The following RASGRF2 variants were observed in gnomAD, a reference collection of about 807,000 sequenced individuals.
The protein encoded by RASGRF2 is ras-specific guanine nucleotide-releasing factor 2.
RASGRF2 carries 76 observed loss-of-function variants against 151.0 expected under a neutral mutation model. The observed-to-expected ratio is 0.50, with a 90% CI of 0.42 to 0.61. RASGRF2 has a LOEUF of 0.61. RASGRF2 is among the 20% of genes least tolerant of loss of function. The pLI is 0.00. For synonymous variants in RASGRF2, 504 were observed against 566.5 expected, an observed-to-expected ratio of 0.89 and a Z score of 1.57; for missense variants, 1,148 against 1,564.6, an observed-to-expected ratio of 0.73 and a Z score of 4.49.
intron 2 of RASGRF2, among the ~76,000 whole-genome samples, chr5:81,053,997 T>C (rs887888926): frequency 3.3e-5 from 5 of 152,218 alleles, no homozygotes; most frequent in African/African-American, 1.2e-4. Flanking sequence ...GTAAATTTGT[T>C]TGAGTTCTTT....
chr5:81,208,500 A>G (rs1755560210), intron 22 of RASGRF2, 62 bp downstream of exon 22: 3 of 1,196,936 alleles, frequency 2.5e-6, no homozygotes, highest in East Asian at 2.7e-5. Flanking sequence ...TGGGGTCTAA[A>G]GACTCCTCTA....
rs939668116 is a variant in RASGRF2, at chr5:81,123,909, C to T, written c.2596+142C>T. 9.5e-6 allele frequency: 11 copies of T among 1,152,180 alleles called. No homozygotes were observed. The East Asian group carries it at 1.3e-4, about 14-fold the overall frequency. The allele number at this position is 1,152,180 out of a possible 1,614,324, so 71.4% of individuals were successfully genotyped here. On this transcript the variant is annotated intron_variant, in intron 16 of 26. Transcript: ENST00000265080. The stretch of plus-strand genomic sequence containing the variant: ...AAAATTAATTGGAAGCAAATACAGT[C>T]GGCCCTTTGTATCTGTGGGTTCCAC...
chr5:81,178,697 G>T (rs1418241642), intron 17 of RASGRF2, among the ~76,000 whole-genome samples: 1 of 152,122 alleles, frequency 6.6e-6, no homozygotes, highest in African/African-American at 2.4e-5. Context: ...CGAGTAGGAT[G>T]TAGAGAGAAC....
chr5:81,108,831 ACTC>A (rs1561209496), intron 12 of RASGRF2, among the ~76,000 whole-genome samples, 162 bp from the exon 13 acceptor site: 1 of 101,356 alleles, frequency 9.9e-6, no homozygotes, highest in East Asian at 3.1e-4. Flanking sequence ...ATATTTACCT[ACTC>A]TGTGTGTGTG....
chr5:80,963,408 G>A (rs1249279979), intron 1 of RASGRF2, among the ~76,000 whole-genome samples: 1 of 152,256 alleles, frequency 6.6e-6, no homozygotes, highest in Non-Finnish European at 1.5e-5. Context: ...CCAAGTTTCC[G>A]TGTTATTTCT....
intron 12 of RASGRF2, among the ~76,000 whole-genome samples, chr5:81,100,068 C>T (rs1376386307): frequency 6.6e-6 from 1 of 151,974 alleles, no homozygotes; most frequent in East Asian, 1.9e-4. Context: ...CCAGCATGCC[C>T]AGCTAATTTT....
Position 81,123,915 on chromosome 5 carries a change from T to A in RASGRF2, c.2596+148T>A, listed in dbSNP as rs898191455. 7.3e-6 allele frequency: 8 copies of A among 1,095,304 alleles called. No homozygotes were observed. In the African/African-American group the frequency reaches 1.1e-4, roughly 15 times the overall value. 67.8% of individuals were successfully genotyped at this position (1,095,304 alleles called of 1,614,324 possible). On this transcript the variant is annotated intron_variant, in intron 16 of 26. Coordinates refer to ENST00000265080, the MANE Select transcript of RASGRF2 (RefSeq NM_006909.3). ...AATTGGAAGCAAATACAGTCGGCCC[T>A]TTGTATCTGTGGGTTCCACATCCAT...
At chr5:80,982,327 G>A (rs1183530450) in intron 1 of RASGRF2, among the ~76,000 whole-genome samples, 2 of 152,174 alleles carry the variant, frequency 1.3e-5, no homozygotes, top group East Asian at 1.9e-4. Context: ...TTGGGCGGGG[G>A]TTAGTAAAGG....
intron 17 of RASGRF2, among the ~76,000 whole-genome samples, chr5:81,135,268 C>T (rs974764506): frequency 6.6e-6 from 1 of 152,192 alleles, no homozygotes; most frequent in Non-Finnish European, 1.5e-5. Flanking sequence ...GATCGTGCTC[C>T]ATCCCAGCCT....
chr5:81,186,603 T>C (rs566755976), intron 18 of RASGRF2, among the ~76,000 whole-genome samples: 1 of 152,104 alleles, frequency 6.6e-6, no homozygotes, highest in African/African-American at 2.4e-5. Flanking sequence ...TCCTTTTCAC[T>C]CTTTCATTAA....
chr5:81,116,262 T>C (rs1186969354), intron 15 of RASGRF2, among the ~76,000 whole-genome samples: 20 of 151,902 alleles, frequency 1.3e-4, no homozygotes, highest in Admixed American at 1.3e-4. Context: ...TTTGTATTTT[T>C]AGTAGAGACG....
In RASGRF2 at chr5:81,103,325, GATAGAT is replaced by G. The variant is rs951476361; in HGVS notation, c.1756-5660_1756-5655del. 4.6e-5 allele frequency among the ~76,000 whole-genome samples: 7 copies of G among 151,926 alleles called. No homozygotes were observed. The South Asian group carries it at 6.2e-4, about 14-fold the overall frequency. On this transcript the variant is annotated intron_variant, in intron 12 of 26. Coordinates refer to ENST00000265080, the MANE Select transcript of RASGRF2 (RefSeq NM_006909.3). ...TATAGCTATATTCTATATAGCTATA[GATAGAT>G]ATAGATATAGCTATAGCATATATTC...
intron 2 of RASGRF2, among the ~76,000 whole-genome samples, chr5:81,062,582 A>G (rs1417410362): frequency 6.6e-6 from 1 of 152,150 alleles, no homozygotes; most frequent in African/African-American, 2.4e-5. Context: ...GTTTTGTCAT[A>G]GGCTGATTCT....
chr5:81,122,352 T>G (rs1332775783), intron 15 of RASGRF2, among the ~76,000 whole-genome samples: 1 of 152,172 alleles, frequency 6.6e-6, no homozygotes, highest in African/African-American at 2.4e-5. Context: ...GGGGCAGTTA[T>G]TTAGAAAATA....
chr5:81,080,570 C>T (rs1195649471), intron 6 of RASGRF2, 26 bp from the exon 7 acceptor site: 3 of 1,594,336 alleles, frequency 1.9e-6, no homozygotes, highest in Admixed American at 3.4e-5. Context: ...ACAAGGGAAA[C>T]AGCCGTGTTT....
intron 17 of RASGRF2, among the ~76,000 whole-genome samples, chr5:81,140,411 A>AAC (rs138439687): frequency 0.025 from 3,771 of 148,492 alleles, 102 homozygotes; most frequent in African/African-American, 0.07. Flanking sequence ...CCTATTTTTA[A>AAC]ACACACACAC....
intron 13 of RASGRF2, among the ~76,000 whole-genome samples, chr5:81,110,395 A>G (rs1752961817): frequency 6.6e-6 from 1 of 152,380 alleles, no homozygotes; most frequent in Middle Eastern, 3.4e-3. Flanking sequence ...GTAATAAAAG[A>G]AAGCTAAATA....
intron 17 of RASGRF2, among the ~76,000 whole-genome samples, chr5:81,179,472 A>G (rs878916750): frequency 6.6e-6 from 1 of 152,196 alleles, no homozygotes; most frequent in Non-Finnish European, 1.5e-5. Flanking sequence ...TGTGGAATCC[A>G]TGGGGTTTTT....
At chr5:80,974,819 C>T (rs189350393) in intron 1 of RASGRF2, among the ~76,000 whole-genome samples, 3 of 152,150 alleles carry the variant, frequency 2.0e-5, no homozygotes, top group Admixed American at 2.0e-4. Flanking sequence ...TTGATGAATG[C>T]TGGACATTGG....
Sources: gnomAD v4.1 joint callset for allele counts (sites outside exome capture counted in the v4.1 genomes callset) on GRCh38, gnomAD v4.1.1 for gene constraint, MANE v1.5 for transcripts, NCBI Gene and HGNC (gene_info 2026-07-23, HGNC 2026-07-21) for gene names.